RPGRIP1L: variants seen among roughly 807,000 people sequenced by gnomAD.
RPGRIP1L encodes the protein protein fantom.
A neutral mutation model predicts 160.4 loss-of-function variants in RPGRIP1L; 131 were observed. The ratio of observed to expected loss-of-function variants is 0.82; its 90% confidence interval spans 0.71 to 0.94. The LOEUF (loss-of-function observed/expected upper bound fraction) is 0.94, where lower values mean the gene tolerates loss of function less well. Among genes scored for constraint, RPGRIP1L ranks in the 40% least tolerant of loss-of-function variants. The pLI is 0.00. For synonymous variants in RPGRIP1L, 510 were observed against 515.8 expected (o/e 0.99, Z 0.15); for missense variants, 1,522 against 1,535.8 (o/e 0.99, Z 0.15).
chr16:53,686,457 C>G lies in RPGRIP1L; in HGVS notation c.752G>C (p.Arg251Pro), dbSNP rs767314963. The change falls in exon 6 of 27, where the codon CGA (arginine) becomes CCA (proline). Residue 251 changes from arginine (R) to proline (P), a missense_variant. Physicochemically the swap from Arg to Pro is moderately radical, Grantham distance 103. Coordinates refer to ENST00000647211, the MANE Select transcript of RPGRIP1L (RefSeq NM_015272.5). Reference protein sequence around the residue: ...NEIELSLLQLREQQATDQRSN... With the variant: ...NEIELSLLQLPEQQATDQRSN... Reference sequence around the variant, plus strand: ...CCTTTGATCTGTAGCTTGCTGTTCTCGAAGCTGAAGAAGAGATAACTCAAT... The same window carrying G: ...CCTTTGATCTGTAGCTTGCTGTTCTGGAAGCTGAAGAAGAGATAACTCAAT... 2 of 1,613,262 alleles carry G rather than the reference C, an allele frequency of 1.2e-6. No individual in the cohort carries two copies. The highest frequency in any genetic ancestry group is 1.7e-5 in the Admixed American group (1 of 59,926).
intron 19 of RPGRIP1L, among the ~76,000 whole-genome samples, chr16:53,639,306 T>G (rs949613590): frequency 6.6e-6 from 1 of 152,002 alleles, no homozygotes; most frequent in Non-Finnish European, 1.5e-5. Context: ...TCTATTTCTT[T>G]AAAACTAATT....
At chr16:53,656,163 G>A (rs1199207222) in intron 14 of RPGRIP1L, among the ~76,000 whole-genome samples, 2 of 152,106 alleles carry the variant, frequency 1.3e-5, no homozygotes, top group African/African-American at 4.8e-5. Flanking sequence ...AAATTCTTGA[G>A]TAGAAAAGAA....
chr16:53,651,583 G>A lies in RPGRIP1L; in HGVS notation c.2152+952C>T, dbSNP rs118025026. 8.0e-4 allele frequency among the ~76,000 whole-genome samples: 121 copies of A among 152,176 alleles called. 2 individuals carry two copies. The East Asian group carries it at 0.015, about 18-fold the overall frequency. On this transcript the variant is annotated intron_variant, in intron 15 of 26. Coordinates refer to ENST00000647211, the MANE Select transcript of RPGRIP1L (RefSeq NM_015272.5). ...CACTGTCAGGCTTGCTCCTCCCTCA[G>A]GTTTTTGCACTTGCTATTGCCTCTG...
chr16:53,634,827 C>G (rs1789835679), intron 22 of RPGRIP1L, among the ~76,000 whole-genome samples: 1 of 152,164 alleles, frequency 6.6e-6, no homozygotes, highest in Non-Finnish European at 1.5e-5. Flanking sequence ...TTGTAAATTA[C>G]CCAGCCTCAG....
At chr16:53,631,814 A>C (rs1598278776) in intron 22 of RPGRIP1L, among the ~76,000 whole-genome samples, 1 of 152,224 alleles carries the variant, frequency 6.6e-6, no homozygotes, top group African/African-American at 2.4e-5. Flanking sequence ...ACAGGCCAGC[A>C]AGGCCCAATT....
chr16:53,621,688 T>C (rs767218085), intron 23 of RPGRIP1L, among the ~76,000 whole-genome samples: 3 of 152,166 alleles, frequency 2.0e-5, no homozygotes, highest in Non-Finnish European at 4.4e-5. Flanking sequence ...TATTTTTCAA[T>C]GCTGGAACAA....
intron 4 of RPGRIP1L, among the ~76,000 whole-genome samples, chr16:53,689,698 T>C (rs1299361085): frequency 1.3e-5 from 2 of 152,136 alleles, no homozygotes; most frequent in East Asian, 3.9e-4. Flanking sequence ...TCCTGACAAG[T>C]CTCGCCTGTC....
In RPGRIP1L at chr16:53,601,027, G is replaced by A. The variant is rs570469819; in HGVS notation, c.*1049C>T. 1 of 152,684 alleles carries A rather than the reference G, an allele frequency of 6.5e-6. No homozygotes were observed. Among genetic ancestry groups the A allele is most frequent in the African/African-American group, 2.4e-5 (1 of 41,546 alleles). 9.5% of individuals were successfully genotyped at this position (152,684 alleles called of 1,614,324 possible). A position where few individuals can be genotyped will look rare whatever the true frequency, so the allele number is the denominator to read the frequency against. On this transcript the variant is annotated 3_prime_UTR_variant, in exon 27 of 27. Transcript: ENST00000647211. The stretch of plus-strand genomic sequence containing the variant: ...AAAAAAGTAAATTAAAAAATGAAAT[G>A]CATTATATCCTAGACCTCTAGAGAC...
rs1567841081 is a variant in RPGRIP1L at position 53,652,795 on chromosome 16, G to A, written c.1892C>T (p.Thr631Ile). The A allele has an allele frequency of 1.2e-6, 2 of 1,614,130 alleles. No individual in the cohort carries two copies. Among genetic ancestry groups the A allele is most frequent in the Non-Finnish European group, 1.7e-6 (2 of 1,179,990 alleles). ...ATCATAGAAAGCATAGGTACAGAAAGTGACAGGCTCTTTATCTCCAGATGC... is the reference window on the plus strand; with the variant it reads ...ATCATAGAAAGCATAGGTACAGAAAATGACAGGCTCTTTATCTCCAGATGC... ...LQASGDKEPV[T>I]FCTYAFYDFE... The change falls in exon 15 of 27, where the codon ACT becomes ATT. Residue 631 changes from threonine (T) to isoleucine (I), a missense_variant. By Grantham distance (89) the Thr-to-Ile change is moderately conservative. Coordinates refer to ENST00000647211, the MANE Select transcript of RPGRIP1L (RefSeq NM_015272.5).
At chr16:53,697,758 G>C (rs888110899) in intron 2 of RPGRIP1L, among the ~76,000 whole-genome samples, 3 of 152,114 alleles carry the variant, frequency 2.0e-5, no homozygotes, top group Admixed American at 2.0e-4. Context: ...AAAGTGCCCA[G>C]AGTGCAGCCT....
chr16:53,642,132 G>A (rs1376874503), intron 17 of RPGRIP1L, among the ~76,000 whole-genome samples: 1 of 151,452 alleles, frequency 6.6e-6, no homozygotes. Flanking sequence ...CAGTTGCACT[G>A]GATTTTTGGG....
intron 10 of RPGRIP1L, among the ~76,000 whole-genome samples, chr16:53,663,253 A>T (rs1170970848): frequency 7.1e-6 from 1 of 141,374 alleles, no homozygotes; most frequent in Non-Finnish European, 1.5e-5. Context: ...AGATAAATTA[A>T]AATAAGAACT....
At chr16:53,649,420 AT>A (rs1287048278) in intron 15 of RPGRIP1L, among the ~76,000 whole-genome samples, 1 of 152,194 alleles carries the variant, frequency 6.6e-6, no homozygotes, top group Non-Finnish European at 1.5e-5. Context: ...ATTGGATCAA[AT>A]ACTCCACAGA....
intron 10 of RPGRIP1L, among the ~76,000 whole-genome samples, chr16:53,663,714 T>TA (rs1005319850): frequency 3.1e-4 from 47 of 152,002 alleles, no homozygotes; most frequent in African/African-American, 9.2e-4. Flanking sequence ...GAAAAAGTCA[T>TA]AAAAAAAATC....
chr16:53,640,996 T>C (rs1966178101), intron 19 of RPGRIP1L, 37 bp downstream of exon 19: 2 of 1,400,388 alleles, frequency 1.4e-6, no homozygotes, highest in Non-Finnish European at 2.0e-6. Context: ...AAATATTTGT[T>C]ATGAAAAAAT....
chr16:53,687,072 T>C (rs896125916), intron 5 of RPGRIP1L, among the ~76,000 whole-genome samples: 2 of 152,142 alleles, frequency 1.3e-5, no homozygotes, highest in African/African-American at 4.8e-5. Flanking sequence ...ACGTTGGCTT[T>C]TCAGGTGATC....
intron 23 of RPGRIP1L, among the ~76,000 whole-genome samples, chr16:53,621,399 C>CAT (rs974969904): frequency 5.4e-5 from 8 of 149,294 alleles, no homozygotes; most frequent in Non-Finnish European, 7.4e-5. Context: ...CTTTAAAATT[C>CAT]TTTTTATGAT....
At chr16:53,698,501 C>T (rs1317443694) in intron 2 of RPGRIP1L, among the ~76,000 whole-genome samples, 5 of 136,004 alleles carry the variant, frequency 3.7e-5, no homozygotes, top group African/African-American at 1.4e-4. Flanking sequence ...GTTGGGGGGT[C>T]AGCCTCCCGC....
In RPGRIP1L at chr16:53,703,836, T is replaced by G. The variant is rs1335227399; in HGVS notation, c.-41A>C. The G allele has an allele frequency of 4.4e-6, 2 of 459,192 alleles. No individual in the cohort carries two copies. Among genetic ancestry groups the G allele is most frequent in the Non-Finnish European group, 8.1e-6 (2 of 248,208 alleles). 28.4% of individuals were successfully genotyped at this position (459,192 alleles called of 1,614,324 possible). On this transcript the variant is annotated 5_prime_UTR_variant, in exon 1 of 27. Coordinates refer to ENST00000647211, the MANE Select transcript of RPGRIP1L (RefSeq NM_015272.5). ...TGGCCCTGCAGCTAGCTACCGTTGC[T>G]ATAGCGCCGACAGCGTGGCGGGCGG... is the stretch of plus-strand genomic sequence containing the variant.
Sources: allele counts gnomAD v4.1 joint callset (sites outside exome capture counted in the v4.1 genomes callset), GRCh38; gene constraint gnomAD v4.1.1; transcripts MANE v1.5; gene names NCBI Gene and HGNC (gene_info 2026-07-23, HGNC 2026-07-21).